C14orf93: variants seen among roughly 807,000 people sequenced by gnomAD.
C14orf93 encodes uncharacterized protein C14orf93.
In C14orf93, 23 loss-of-function variants were observed where a neutral mutation model predicts 44.0. The ratio of observed to expected loss-of-function variants is 0.52; its 90% CI spans 0.38 to 0.74. The LOEUF (loss-of-function observed/expected upper bound fraction) is 0.74, where lower values mean the gene tolerates loss of function less well. C14orf93 is among the 30% of genes least tolerant of loss of function. The probability of loss-of-function intolerance (pLI) is 0.00; values close to 1 mark genes in which losing one functional copy is unlikely to be tolerated. For missense variants in C14orf93, 579 were observed against 678.9 expected (o/e 0.85, Z 1.64); for synonymous variants, 253 against 265.7 (o/e 0.95, Z 0.46).
rs139309579 is a variant in C14orf93, at chr14:23,000,484, G to A, written c.-379-1082C>T. ...TAATCCCAGCACTGTGGAAGGCTGA[G>A]GTGGGCCGATCACCTGAGGTCAGGA... On this transcript the variant is annotated intron_variant, in intron 1 of 6. Coordinates refer to ENST00000299088, the MANE Select transcript of C14orf93 (RefSeq NM_021944.4). 2.4e-4 allele frequency among the ~76,000 whole-genome samples: 37 copies of A among 152,232 alleles called. No individual in the cohort carries two copies. The East Asian group carries it at 6.9e-3, about 29-fold the overall frequency.
chr14:23,003,267 G>A (rs528763560), intron 1 of C14orf93, among the ~76,000 whole-genome samples: 1 of 152,150 alleles, frequency 6.6e-6, no homozygotes, highest in Non-Finnish European at 1.5e-5. Context: ...AGCACAATGG[G>A]CATTCAAAGA....
At chr14:22,988,611 G>A (rs971989775) in intron 5 of C14orf93, among the ~76,000 whole-genome samples, 7 of 151,828 alleles carry the variant, frequency 4.6e-5, no homozygotes, top group East Asian at 1.9e-4. Flanking sequence ...TTAAGTGATC[G>A]TCCAGCCTCA....
chr14:23,003,557 G>C (rs1321517064), intron 1 of C14orf93, among the ~76,000 whole-genome samples: 1 of 152,070 alleles, frequency 6.6e-6, no homozygotes, highest in Non-Finnish European at 1.5e-5. Context: ...GGGAGGCTGA[G>C]GTGGGCGGGT....
chr14:22,997,022 G>A (rs1218070835), intron 2 of C14orf93, among the ~76,000 whole-genome samples: 1 of 152,022 alleles, frequency 6.6e-6, no homozygotes, highest in East Asian at 1.9e-4. Flanking sequence ...GAAAGATGCG[G>A]GGGAGGAGGC....
intron 1 of C14orf93, among the ~76,000 whole-genome samples, chr14:23,008,378 A>C (rs901437844): frequency 2.0e-5 from 3 of 152,206 alleles, no homozygotes; most frequent in Non-Finnish European, 4.4e-5. Flanking sequence ...CTTTTGTTAT[A>C]AATTTGTACA....
At position 22,998,485 on chromosome 14, in the gene C14orf93, T is replaced by A; in HGVS notation, c.539A>T (p.Asp180Val). 1 of 1,612,098 alleles carries A rather than the reference T, an allele frequency of 6.2e-7. No individual in the cohort carries two copies. The highest frequency in any genetic ancestry group is 8.5e-7 in the Non-Finnish European group (1 of 1,179,366). ...GPLGFPATQRDMRLPGCTLAA... is the reference protein window; with the variant it reads ...GPLGFPATQRVMRLPGCTLAA... ...CAGCGTGCACCCTGGGAGCCGCATG[T>A]CCCTCTGAGTTGCTGGGAAGCCCAA... The change falls in exon 2 of 7, where the codon GAC (aspartate) becomes GTC (valine). Residue 180 changes from aspartate (D) to valine (V), a missense_variant. Physicochemically the swap from Asp to Val is radical, Grantham distance 152. Coordinates refer to ENST00000299088, the MANE Select transcript of C14orf93 (RefSeq NM_021944.4).
rs1231231851 is a variant in C14orf93, at chr14:22,999,082, G to A, written c.-59C>T. On this transcript the variant is annotated 5_prime_UTR_variant, in exon 2 of 7. Coordinates refer to ENST00000299088, the MANE Select transcript of C14orf93 (RefSeq NM_021944.4). ...GCTGGGCCGCTCCAACAGGTAGGAA[G>A]CATCAACTTCTCTGGACTCACTTTC... 6 of 1,536,156 alleles carry A rather than the reference G, an allele frequency of 3.9e-6. No individual in the cohort carries two copies. The highest frequency in any genetic ancestry group is 2.7e-5 in the African/African-American group (2 of 73,420).
rs563111881 is a variant in C14orf93, at chr14:22,996,345, G to A, written c.598-77C>T. On this transcript the variant is annotated intron_variant, in intron 2 of 6. Coordinates refer to ENST00000299088, the MANE Select transcript of C14orf93 (RefSeq NM_021944.4). This position sits in a 1 kb window ranked among gnomAD's most constrained non-coding sequence, Gnocchi z 4.1. ...TGGTTAACCATCATTCTTTGGCTAA[G>A]AATAGTGAACAGAAAGTGGAAAGAA... 33 of 1,399,536 alleles carry A rather than the reference G, an allele frequency of 2.4e-5. No individual in the cohort carries two copies. The highest frequency in any genetic ancestry group is 2.2e-4 in the African/African-American group (15 of 69,242). The allele number at this position is 1,399,536 out of a possible 1,614,324, so 86.7% of individuals were successfully genotyped here.
intron 1 of C14orf93, chr14:23,005,097 T>C (rs2046561572): frequency 6.6e-6 from 1 of 151,328 alleles, no homozygotes; most frequent in Non-Finnish European, 1.5e-5. Context: ...CCTTGAGCAA[T>C]GTATAGGATT....
Position 22,995,999 on chromosome 14 carries a change from GGT to G in C14orf93, c.865_866del (p.Thr289GlnfsTer18). The G allele has an allele frequency of 6.2e-7, 1 of 1,612,200 alleles. No homozygotes were observed. On this transcript the variant is annotated frameshift_variant, in exon 3 of 7. Coordinates refer to ENST00000299088, the MANE Select transcript of C14orf93 (RefSeq NM_021944.4). LOFTEE classifies it high-confidence loss of function. The part of the protein sequence containing the change: ...SLGLTVSPCR[T>X]RGSGQKNSRR... ...TGGAGTTCTTCTGCCCACTTCCTCTGGTCCTGCATGGGGAAACGGTCAGCCCT... is the reference window on the plus strand; with the variant it reads ...TGGAGTTCTTCTGCCCACTTCCTCTGCCTGCATGGGGAAACGGTCAGCCCT...
intron 4 of C14orf93, 72 bp from the exon 5 acceptor site, chr14:22,989,917 C>G: frequency 6.8e-7 from 1 of 1,477,662 alleles, no homozygotes; most frequent in Non-Finnish European, 9.5e-7. Context: ...ATACCCAGCA[C>G]TAATCAACTT....
rs573029132 is a variant in C14orf93, at chr14:22,993,028, C to T, written c.919-2901G>A. Among the ~76,000 whole-genome samples, 7 of 151,816 alleles carry T rather than the reference C, an allele frequency of 4.6e-5. No homozygotes were observed. The East Asian group carries it at 5.8e-4, about 13-fold the overall frequency. On this transcript the variant is annotated intron_variant, in intron 3 of 6. Coordinates refer to ENST00000299088, the MANE Select transcript of C14orf93 (RefSeq NM_021944.4). ...TCAAGTGGCTGGGATTACAGGCGCA[C>T]GCCACCACGCCCAGCTAATTTTTGT... is the stretch of plus-strand genomic sequence containing the variant.
At chr14:22,992,419 T>A (rs1325220223) in intron 3 of C14orf93, among the ~76,000 whole-genome samples, 1 of 146,296 alleles carries the variant, frequency 6.8e-6, no homozygotes, top group Admixed American at 6.9e-5. Context: ...TGAGCTGAGA[T>A]CGTGCCACTG....
At chr14:22,989,947 G>A (rs11624528) in intron 4 of C14orf93, 102 bp from the exon 5 acceptor site, 546,057 of 1,413,136 alleles carry the variant, frequency 0.39, 108,403 homozygotes, top group Non-Finnish European at 0.41. Context: ...TCCCTCCACA[G>A]CCTAAGAAGG....
chr14:23,009,352 A>G (rs1349004595), intron 1 of C14orf93, among the ~76,000 whole-genome samples: 1 of 152,190 alleles, frequency 6.6e-6, no homozygotes, highest in African/African-American at 2.4e-5. Context: ...ATCCTAGGGG[A>G]TACTTTGCAC....
rs573117642 is a variant in C14orf93, at chr14:23,000,773, GT to G, written c.-379-1372del. ...TAAGAGAATTTTCTATATATTGAGG[GT>G]TTTCTTTTTTCTTTTTGAATAGGCA... On this transcript the variant is annotated intron_variant, in intron 1 of 6. Transcript: ENST00000299088. 2.4e-3 allele frequency among the ~76,000 whole-genome samples: 359 copies of G among 151,450 alleles called. 1 individual carries two copies. Among genetic ancestry groups the G allele is most frequent in the African/African-American group, 8.3e-3 (341 of 41,278 alleles).
intron 2 of C14orf93, among the ~76,000 whole-genome samples, chr14:22,997,953 T>G (rs950855015): frequency 6.6e-6 from 1 of 152,042 alleles, no homozygotes. Context: ...TATACTTGTC[T>G]TCTATTATCT....
Position 22,986,233 on chromosome 14 carries a change from C to T in C14orf93, c.*982G>A, listed in dbSNP as rs1342436896. Reference sequence around the variant, plus strand: ...CCAGACTGCAAGAGTAGGTTAGCTACCCCTGCTGTATATTGCCATAGTGCA... The same window carrying T: ...CCAGACTGCAAGAGTAGGTTAGCTATCCCTGCTGTATATTGCCATAGTGCA... On this transcript the variant is annotated 3_prime_UTR_variant, in exon 7 of 7. Transcript: ENST00000299088. 6.6e-6 allele frequency: 1 copy of T among 152,200 alleles called. No homozygotes were observed. The highest frequency in any genetic ancestry group is 6.5e-5 in the Admixed American group (1 of 15,268). The allele number at this position is 152,200 out of a possible 1,614,324, so 9.4% of individuals were successfully genotyped here. A position where few individuals can be genotyped will look rare whatever the true frequency, so the allele number is the denominator to read the frequency against.
intron 3 of C14orf93, among the ~76,000 whole-genome samples, chr14:22,990,761 G>A (rs1333836420): frequency 1.3e-5 from 2 of 151,156 alleles, no homozygotes; most frequent in African/African-American, 2.4e-5. Flanking sequence ...GAGCCACCAC[G>A]CCCAGCCAAG....
Sources: gnomAD v4.1 joint callset for allele counts (sites outside exome capture counted in the v4.1 genomes callset) on GRCh38, gnomAD v4.1.1 for gene constraint, Gnocchi (gnomAD v3.1) non-coding constraint, MANE v1.5 for transcripts, NCBI Gene and HGNC (gene_info 2026-07-23, HGNC 2026-07-21) for gene names.